ATP13A4: variants seen among roughly 807,000 people sequenced by gnomAD.
ATP13A4 encodes the protein ATPase 13A4, also known as probable cation-transporting ATPase 13A4.
In ATP13A4, 114 loss-of-function variants were observed where a neutral mutation model predicts 142.5. The ratio of observed to expected loss-of-function variants is 0.80; its 90% confidence interval spans 0.69 to 0.93. ATP13A4 has a LOEUF of 0.93. ATP13A4 is among the 40% of genes least tolerant of loss of function. The pLI is 0.00. For synonymous variants in ATP13A4, 488 were observed against 514.8 expected (o/e 0.95, Z 0.70); for missense variants, 1,392 against 1,454.0 (o/e 0.96, Z 0.69).
At chr3:193,463,131 C>T (rs1015272501) in intron 12 of ATP13A4, among the ~76,000 whole-genome samples, 1 of 152,040 alleles carries the variant, frequency 6.6e-6, no homozygotes, top group South Asian at 2.1e-4. Flanking sequence ...CTGGAGTGCC[C>T]GTTGGAAGCG....
intron 3 of ATP13A4, among the ~76,000 whole-genome samples, chr3:193,500,482 C>T (rs1026548392): frequency 1.3e-5 from 2 of 152,222 alleles, no homozygotes; most frequent in East Asian, 1.9e-4. Context: ...AATTTTTTCA[C>T]GAATCTTGGG....
At chr3:193,437,825 ATTTTTTTTTTTTTTTT>A (rs372139378) in intron 23 of ATP13A4, among the ~76,000 whole-genome samples, 1 of 102,990 alleles carries the variant, frequency 9.7e-6, no homozygotes, top group Non-Finnish European at 1.9e-5. Flanking sequence ...GCCAATAAAG[ATTTTTTTTTTTTTTTT>A]TTTTTTTTGA....
intron 26 of ATP13A4, among the ~76,000 whole-genome samples, chr3:193,414,301 A>G (rs1330473406): frequency 1.3e-5 from 2 of 152,228 alleles, no homozygotes; most frequent in African/African-American, 4.8e-5. Context: ...GGGGCTGCTC[A>G]GGCAAATTAT....
chr3:193,442,311 T>C (rs565568559), intron 19 of ATP13A4, 82 bp downstream of exon 19: 3 of 1,418,236 alleles, frequency 2.1e-6, no homozygotes, highest in South Asian at 1.2e-5. Flanking sequence ...GAAGCATATG[T>C]TGACTCTAGG....
At chr3:193,564,742 G>A (rs1045410186) in intron 2 of ATP13A4, among the ~76,000 whole-genome samples, 1 of 152,080 alleles carries the variant, frequency 6.6e-6, no homozygotes, top group Non-Finnish European at 1.5e-5. Context: ...AGGGATCCCC[G>A]ACCCCTAGGC....
At chr3:193,573,820 T>C (rs1401929596) in intron 2 of ATP13A4, among the ~76,000 whole-genome samples, 1 of 152,252 alleles carries the variant, frequency 6.6e-6, no homozygotes, top group Non-Finnish European at 1.5e-5. Context: ...AGTCAGACTT[T>C]AAAATTCAAA....
intron 23 of ATP13A4, 51 bp downstream of exon 23, chr3:193,438,424 G>T: frequency 7.1e-7 from 1 of 1,411,376 alleles, no homozygotes; most frequent in Non-Finnish European, 1.0e-6. Flanking sequence ...AATGTGATTT[G>T]CACCAGAAGT....
intron 17 of ATP13A4, 92 bp from the exon 18 acceptor site, chr3:193,448,422 A>C: frequency 6.6e-7 from 1 of 1,517,614 alleles, no homozygotes; most frequent in Admixed American, 1.7e-5. Context: ...TCCAGGCTGG[A>C]GGACAGTGGT....
intron 1 of ATP13A4, among the ~76,000 whole-genome samples, chr3:193,590,081 A>G (rs965891620): frequency 6.6e-6 from 1 of 152,058 alleles, no homozygotes; most frequent in African/African-American, 2.4e-5. Flanking sequence ...CTCACTGCAC[A>G]GACAAAATCA....
intron 1 of ATP13A4, among the ~76,000 whole-genome samples, chr3:193,548,836 A>G (rs754353739): frequency 3.9e-5 from 6 of 152,236 alleles, no homozygotes; most frequent in Non-Finnish European, 5.9e-5. Flanking sequence ...GTTCTCCGAA[A>G]TGACATGGAA....
intron 8 of ATP13A4, among the ~76,000 whole-genome samples, chr3:193,471,537 G>A (rs982892082): frequency 2.0e-5 from 3 of 151,630 alleles, no homozygotes; most frequent in African/African-American, 4.8e-5. Context: ...AGTGATGATC[G>A]TGCCACTGCA....
intron 9 of ATP13A4, among the ~76,000 whole-genome samples, chr3:193,467,933 C>G (rs1423674826): frequency 6.6e-6 from 1 of 152,020 alleles, no homozygotes; most frequent in Non-Finnish European, 1.5e-5. Flanking sequence ...AATCCCAGTA[C>G]TTTGGGAGGC....
At chr3:193,580,008 C>T (rs1724499104) in intron 2 of ATP13A4, among the ~76,000 whole-genome samples, 1 of 152,126 alleles carries the variant, frequency 6.6e-6, no homozygotes. Flanking sequence ...CCCATTCTTT[C>T]TGCTTGTCTA....
In ATP13A4 at chr3:193,401,256, T is replaced by A. The variant is rs566719875; in HGVS notation, c.*1396A>T. 1.7e-4 allele frequency among the ~76,000 whole-genome samples: 26 copies of A among 152,296 alleles called. No homozygotes were observed. The South Asian group carries it at 5.2e-3, about 30-fold the overall frequency. The stretch of plus-strand genomic sequence containing the variant: ...CTTAAAATATTATATGTAGGTGTGC[T>A]CCTAGAGTTCAGTGTTGTCTCCTGA... On this transcript the variant is annotated 3_prime_UTR_variant, in exon 30 of 30. Coordinates refer to ENST00000342695, the MANE Select transcript of ATP13A4 (RefSeq NM_032279.4).
At chr3:193,442,289 G>A in intron 19 of ATP13A4, 104 bp downstream of exon 19, 2 of 1,231,080 alleles carry the variant, frequency 1.6e-6, no homozygotes, top group Non-Finnish European at 2.4e-6. Context: ...AAGCATGAAT[G>A]CTAGACATTT....
chr3:193,431,840 G>A (rs1715994680), intron 25 of ATP13A4, among the ~76,000 whole-genome samples: 1 of 151,710 alleles, frequency 6.6e-6, no homozygotes, highest in Non-Finnish European at 1.5e-5. Flanking sequence ...GGAGCAACAT[G>A]TTAAACATTT....
chr3:193,540,380 C>T (rs1319443655), intron 1 of ATP13A4, among the ~76,000 whole-genome samples: 5 of 151,720 alleles, frequency 3.3e-5, no homozygotes, highest in Non-Finnish European at 7.4e-5. Flanking sequence ...GCCTCCAAAC[C>T]GCATCCCTCA....
intron 11 of ATP13A4, among the ~76,000 whole-genome samples, chr3:193,465,605 T>C (rs1473933003): frequency 6.6e-6 from 1 of 152,112 alleles, no homozygotes; most frequent in Non-Finnish European, 1.5e-5. Flanking sequence ...AAAAAACCCA[T>C]GTGATTTATA....
intron 5 of ATP13A4, among the ~76,000 whole-genome samples, chr3:193,492,448 G>A (rs1719993830): frequency 6.6e-6 from 1 of 152,164 alleles, no homozygotes. Context: ...TACACATCTT[G>A]CATGGTGTTC....
Sources: allele counts gnomAD v4.1 joint callset (sites outside exome capture counted in the v4.1 genomes callset), GRCh38; gene constraint gnomAD v4.1.1; transcripts MANE v1.5; gene names NCBI Gene and HGNC (gene_info 2026-07-23, HGNC 2026-07-21).